Variants in LRRC40 observed in about 807,000 individuals in gnomAD.
The protein encoded by LRRC40 is leucine rich repeat containing 40, also known as leucine-rich repeat-containing protein 40.
In LRRC40, 76 loss-of-function variants were observed where a neutral mutation model predicts 72.8. That is an observed-to-expected ratio of 1.04 (90% CI 0.87 to 1.26). LRRC40 has a LOEUF of 1.26. Among genes scored for constraint, LRRC40 ranks in the 50% most tolerant of loss-of-function variants. LRRC40 has a pLI of 0.00. For synonymous variants in LRRC40, 243 were observed against 254.2 expected (o/e 0.96, Z 0.42); for missense variants, 684 against 698.9 (o/e 0.98, Z 0.24).
chr1:70,151,568 T>C (rs1341221165), intron 12 of LRRC40, among the ~76,000 whole-genome samples: 5 of 152,084 alleles, frequency 3.3e-5, no homozygotes, highest in African/African-American at 1.2e-4. Flanking sequence ...TTAATATATA[T>C]GACACAGACA....
chr1:70,167,241 A>AG (rs1553213516), intron 9 of LRRC40, among the ~76,000 whole-genome samples: 1 of 151,660 alleles, frequency 6.6e-6, no homozygotes, highest in Non-Finnish European at 1.5e-5. Context: ...AAAAAAAAAA[A>AG]AAAAAAGAAA....
chr1:70,153,622 G>C (rs1667564232), intron 11 of LRRC40, among the ~76,000 whole-genome samples: 1 of 152,072 alleles, frequency 6.6e-6, no homozygotes, highest in Admixed American at 6.6e-5. Flanking sequence ...AAAGTATACA[G>C]TTAAATTACA....
Position 70,189,239 on chromosome 1 carries a change from G to C in LRRC40, c.186C>G (p.Ile62Met). The C allele has an allele frequency of 6.2e-7, 1 of 1,606,200 alleles. No homozygotes were observed. The highest frequency in any genetic ancestry group is 1.1e-5 in the South Asian group (1 of 90,850). Residue 62 changes from isoleucine (I) to methionine (M), a missense_variant, in exon 2 of 15, where the codon ATC becomes ATG. Physicochemically the swap from Ile to Met is conservative, Grantham distance 10. Transcript: ENST00000370952. ...AAAGATTCTGATTAGCTTCCTCAGG[G>C]ATATCCACATTTATTCTCCAGACAC... ...PQCVWRINVD[I>M]PEEANQNLSF...
chr1:70,184,105 G>A (rs1207187696), intron 4 of LRRC40, among the ~76,000 whole-genome samples: 4 of 151,906 alleles, frequency 2.6e-5, no homozygotes, highest in Admixed American at 1.3e-4. Flanking sequence ...AAAATTAGCC[G>A]GGCAGTAGAG....
At chr1:70,190,565 C>T (rs1668472569) in intron 1 of LRRC40, among the ~76,000 whole-genome samples, 1 of 149,504 alleles carries the variant, frequency 6.7e-6, no homozygotes, top group East Asian at 2.0e-4. Flanking sequence ...AGTCCTACTA[C>T]TTGGGAGCCT....
At chr1:70,155,271 T>C (rs956003584) in intron 11 of LRRC40, among the ~76,000 whole-genome samples, 1 of 152,090 alleles carries the variant, frequency 6.6e-6, no homozygotes, top group African/African-American at 2.4e-5. Context: ...GGCTTGGCAA[T>C]TCATTAACAT....
At chr1:70,169,553 T>C (rs1474824960) in intron 9 of LRRC40, among the ~76,000 whole-genome samples, 2 of 152,088 alleles carry the variant, frequency 1.3e-5, no homozygotes, top group Non-Finnish European at 2.9e-5. Context: ...ATCCAGCTAG[T>C]GTGGCCTAGA....
At chr1:70,194,184 C>T (rs537207368) in intron 1 of LRRC40, among the ~76,000 whole-genome samples, 4 of 151,986 alleles carry the variant, frequency 2.6e-5, no homozygotes, top group Admixed American at 2.0e-4. Context: ...CTATGATCAT[C>T]TATGTACAAA....
At chr1:70,151,023 A>G in intron 13 of LRRC40, 105 bp downstream of exon 13, 1 of 592,728 alleles carries the variant, frequency 1.7e-6, no homozygotes, top group Non-Finnish European at 3.0e-6. Flanking sequence ...TGGATATTGA[A>G]ATAAAGTAGA....
At chr1:70,157,119 A>G (rs1291828244) in intron 10 of LRRC40, among the ~76,000 whole-genome samples, 1 of 152,220 alleles carries the variant, frequency 6.6e-6, no homozygotes, top group Non-Finnish European at 1.5e-5. Flanking sequence ...AACATTACAT[A>G]TAATGTATAA....
At chr1:70,176,055 G>A in intron 6 of LRRC40, 73 bp from the exon 7 acceptor site, 1 of 865,554 alleles carries the variant, frequency 1.2e-6, no homozygotes, top group Non-Finnish European at 1.7e-6. Flanking sequence ...TAAAATTGTA[G>A]GTACTCTTAA....
intron 1 of LRRC40, 30 bp from the exon 2 acceptor site, chr1:70,189,303 A>G: frequency 1.2e-5 from 17 of 1,378,794 alleles, no homozygotes; most frequent in Non-Finnish European, 1.6e-5. Context: ...ACCAGGAAAA[A>G]AAAAAAAAAA....
At chr1:70,199,543 C>T (rs1228511343) in intron 1 of LRRC40, among the ~76,000 whole-genome samples, 6 of 152,164 alleles carry the variant, frequency 3.9e-5, no homozygotes, top group Non-Finnish European at 8.8e-5. Flanking sequence ...TCCTCCTCCT[C>T]CTCAGCCTAC....
chr1:70,186,127 T>C (rs1668353951), intron 3 of LRRC40, among the ~76,000 whole-genome samples: 1 of 152,214 alleles, frequency 6.6e-6, no homozygotes, highest in South Asian at 2.1e-4. Flanking sequence ...GCACACTTGA[T>C]AGGGATCTAA....
At chr1:70,172,402 A>G (rs1012267253) in intron 9 of LRRC40, among the ~76,000 whole-genome samples, 1 of 152,198 alleles carries the variant, frequency 6.6e-6, no homozygotes, top group African/African-American at 2.4e-5. Context: ...CACCTTTAAA[A>G]CATTTCCATT....
In LRRC40 at chr1:70,155,734, G is replaced by A; in HGVS notation, c.1283C>T (p.Thr428Ile). The A allele has an allele frequency of 6.3e-7, 1 of 1,581,100 alleles. No individual in the cohort carries two copies. Among genetic ancestry groups the A allele is most frequent in the Non-Finnish European group, 8.6e-7 (1 of 1,158,460 alleles). The change falls in exon 11 of 15, where the codon ACT becomes ATT. Residue 428 changes from threonine to isoleucine, a missense_variant. Thr to Ile is a moderately conservative substitution (Grantham distance 89, BLOSUM62 -1). Coordinates refer to ENST00000370952, the MANE Select transcript of LRRC40 (RefSeq NM_017768.5). ...TTGATTCTTACTGAAGTTAATAGAA[G>A]TGACGATGTTGCTTTTTACTGCATC... is the stretch of plus-strand genomic sequence containing the variant. ...VFDAVKSNIV[T>I]SINFSKNQLC...
chr1:70,169,168 C>T (rs995472419), intron 9 of LRRC40, among the ~76,000 whole-genome samples: 5 of 152,172 alleles, frequency 3.3e-5, no homozygotes, highest in African/African-American at 9.6e-5. Context: ...CCAAATACCT[C>T]GCTCTGTACA....
intron 1 of LRRC40, among the ~76,000 whole-genome samples, chr1:70,189,989 C>T (rs564211468): frequency 6.6e-6 from 1 of 152,258 alleles, no homozygotes; most frequent in African/African-American, 2.4e-5. Context: ...TTTCTTATGG[C>T]ACCATACAAC....
chr1:70,169,048 G>A (rs1193985671), intron 9 of LRRC40, among the ~76,000 whole-genome samples: 2 of 152,128 alleles, frequency 1.3e-5, no homozygotes, highest in African/African-American at 2.4e-5. Context: ...GATGAGATAA[G>A]TAAGCAACAA....
Sources: allele counts gnomAD v4.1 joint callset (sites outside exome capture counted in the v4.1 genomes callset), GRCh38; gene constraint gnomAD v4.1.1; transcripts MANE v1.5; gene names NCBI Gene and HGNC (gene_info 2026-07-23, HGNC 2026-07-21).